The following PWWP3A variants were observed in gnomAD, a reference collection of about 807,000 sequenced individuals.
PWWP3A encodes PWWP domain containing 3A, DNA repair factor.
Under a neutral mutation model 79.0 loss-of-function variants are expected in PWWP3A, and 53 were observed. That is an observed-to-expected ratio of 0.67 (90% CI 0.54 to 0.84). PWWP3A has a LOEUF of 0.84. Among genes scored for constraint, PWWP3A ranks in the 40% least tolerant of loss-of-function variants. The pLI is 0.00. For synonymous variants in PWWP3A, 443 were observed against 394.4 expected (o/e 1.12, Z -1.46); for missense variants, 973 against 948.0 (o/e 1.03, Z -0.35).
At chr19:1,371,361 G>A (rs1003191807) in intron 12 of PWWP3A, 5 of 703,440 alleles carry the variant, frequency 7.1e-6, no homozygotes, top group African/African-American at 3.5e-5. Context: ...TCCCTACTGC[G>A]GGCGCACAGA....
chr19:1,371,267 G>C, intron 12 of PWWP3A, 189 bp downstream of exon 12: 1 of 754,866 alleles, frequency 1.3e-6, no homozygotes, highest in Non-Finnish European at 2.3e-6. Context: ...GCTTGACCCT[G>C]TGCGGAGACG....
At chr19:1,371,256 C>G in intron 12 of PWWP3A, 178 bp downstream of exon 12, 2 of 774,642 alleles carry the variant, frequency 2.6e-6, no homozygotes, top group Non-Finnish European at 2.2e-6. Context: ...CGAGTGCGTG[C>G]GCTTGACCCT....
chr19:1,376,294 T>TG (rs1568968566), intron 13 of PWWP3A, among the ~76,000 whole-genome samples: 3 of 92,838 alleles, frequency 3.2e-5, no homozygotes, highest in Non-Finnish European at 6.6e-5. Flanking sequence ...CCCGGCTGTT[T>TG]GTTTTTTTTT....
Position 1,369,186 on chromosome 19 carries a change from C to G in PWWP3A, c.1423-79C>G. Reference sequence around the variant, plus strand: ...AGCAGCCTGGACACCTGGCTGGTCCCTGGGCTCTGCGTGGCTTCTGAACCC... The same window carrying G: ...AGCAGCCTGGACACCTGGCTGGTCCGTGGGCTCTGCGTGGCTTCTGAACCC... On this transcript the variant is annotated intron_variant, in intron 9 of 13. Coordinates refer to ENST00000591337, the MANE Select transcript of PWWP3A (RefSeq NM_001369789.1). The surrounding 1 kb of genome is among the most constrained non-coding windows in gnomAD (Gnocchi z 4.0). 4.4e-6 allele frequency: 6 copies of G among 1,378,336 alleles called. No individual in the cohort carries two copies. Among genetic ancestry groups the G allele is most frequent in the African/African-American group, 1.4e-5 (1 of 70,032 alleles). The allele number at this position is 1,378,336 out of a possible 1,614,324, so 85.4% of individuals were successfully genotyped here.
chr19:1,376,235 C>T (rs892833769), intron 13 of PWWP3A, among the ~76,000 whole-genome samples: 1 of 150,318 alleles, frequency 6.7e-6, no homozygotes, highest in African/African-American at 2.5e-5. Context: ...AAGCGATTCT[C>T]CTACCTCAGC....
intron 6 of PWWP3A, 193 bp from the exon 7 acceptor site, chr19:1,364,316 G>C: frequency 1.4e-6 from 1 of 689,942 alleles, no homozygotes; most frequent in Non-Finnish European, 2.7e-6. Context: ...CATCATTGGT[G>C]GTTAGACTCA....
intron 1 of PWWP3A, 89 bp from the exon 2 acceptor site, chr19:1,356,235 G>A (rs766997884): frequency 1.3e-5 from 9 of 694,018 alleles, no homozygotes; most frequent in Non-Finnish European, 2.3e-5. Context: ...TTGAGGCTAA[G>A]TCGAGCTAAC....
chr19:1,373,435 T>G, intron 13 of PWWP3A: 1 of 481,132 alleles, frequency 2.1e-6, no homozygotes, highest in Middle Eastern at 5.5e-4. Flanking sequence ...TTAATCTCTT[T>G]TTGCAGGGGC....
intron 5 of PWWP3A, among the ~76,000 whole-genome samples, chr19:1,361,535 A>G (rs556421894): frequency 6.6e-6 from 1 of 152,350 alleles, no homozygotes; most frequent in African/African-American, 2.4e-5. Context: ...TTAACACTGT[A>G]GCATCCTTTA....
In PWWP3A at chr19:1,376,841, A is replaced by G. The variant is rs2082413807; in HGVS notation, c.*265A>G. ...CCGTTCGGGAAAGGCTTTTGAAAGG[A>G]CGGAAGCGTATTCACTGTGCGCCAG... On this transcript the variant is annotated 3_prime_UTR_variant, in exon 14 of 14. Transcript: ENST00000591337. 1 of 396,232 alleles carries G rather than the reference A, an allele frequency of 2.5e-6. No individual in the cohort carries two copies. The highest frequency in any genetic ancestry group is 3.8e-5 in the South Asian group (1 of 26,120). 24.5% of individuals were successfully genotyped at this position (396,232 alleles called of 1,614,324 possible).
In PWWP3A at chr19:1,377,889, G is replaced by A. The variant is rs553566373; in HGVS notation, c.*1313G>A. The A allele has an allele frequency of 1.3e-5, 2 of 152,402 alleles. No homozygotes were observed. The highest frequency in any genetic ancestry group is 3.9e-4 in the East Asian group (2 of 5,188). The allele number at this position is 152,402 out of a possible 1,614,324, so 9.4% of individuals were successfully genotyped here. The stretch of plus-strand genomic sequence containing the variant: ...AGGAGATCGGAACACGATTGTCTCA[G>A]ATGCAGGGCGCTGTGCGGGACGAAG... On this transcript the variant is annotated 3_prime_UTR_variant, in exon 14 of 14. Coordinates refer to ENST00000591337, the MANE Select transcript of PWWP3A (RefSeq NM_001369789.1).
In PWWP3A at chr19:1,367,187, G is replaced by A. The variant is rs768292916; in HGVS notation, c.1389G>A (p.Lys463=). The A allele has an allele frequency of 5.0e-6, 8 of 1,613,312 alleles. No homozygotes were observed. Among genetic ancestry groups the A allele is most frequent in the Non-Finnish European group, 6.8e-6 (8 of 1,179,678 alleles). ...TCACAGTGTCTCTTAAAAGTTTAAA[G>A]CACTTTGATTGTAAAGAGAAACAGA... ...KGFTVSLKSL[K]HFDCKEKQTL... Residue 463 remains lysine, a synonymous_variant, in exon 9 of 14, where the codon AAG becomes AAA. Transcript: ENST00000591337.
At chr19:1,371,413 C>T (rs761221654) in intron 12 of PWWP3A, 33 of 702,102 alleles carry the variant, frequency 4.7e-5, no homozygotes, top group Non-Finnish European at 7.0e-5. Flanking sequence ...AAACCCACTG[C>T]GAGTTGGAAA....
At position 1,360,788 on chromosome 19, in the gene PWWP3A, G is replaced by C; in HGVS notation, c.867G>C (p.Ser289=). The C allele has an allele frequency of 6.2e-7, 1 of 1,604,890 alleles. No individual in the cohort carries two copies. The highest frequency in any genetic ancestry group is 8.5e-7 in the Non-Finnish European group (1 of 1,175,984). Residue 289 remains serine (S), a synonymous_variant, in exon 5 of 14, where the codon TCG becomes TCC. Coordinates refer to ENST00000591337, the MANE Select transcript of PWWP3A (RefSeq NM_001369789.1). The surrounding 1 kb of genome is among the most constrained non-coding windows in gnomAD (Gnocchi z 4.4). ...SLTAPPAPEP[S]ACSEPGECPA... ...CTGCGCCCCCAGCCCCTGAGCCCTCGGCCTGCTCAGAGCCTGGAGAATGCC... is the reference window on the plus strand; with the variant it reads ...CTGCGCCCCCAGCCCCTGAGCCCTCCGCCTGCTCAGAGCCTGGAGAATGCC...
Position 1,371,076 on chromosome 19 carries a change from G to A in PWWP3A, c.1984G>A (p.Glu662Lys), listed in dbSNP as rs991964306. 3 of 1,559,350 alleles carry A rather than the reference G, an allele frequency of 1.9e-6. No homozygotes were observed. The highest frequency in any genetic ancestry group is 2.6e-6 in the Non-Finnish European group (3 of 1,151,232). Residue 662 changes from glutamate to lysine, a missense_variant and splice_region_variant, in exon 12 of 14, where the codon GAG becomes AAG. Transcript: ENST00000591337. The part of the protein sequence containing the change: ...IRFILDVLLP[E>K]AIICAISAVD... ...GTTCATTCTGGACGTGCTTCTGCCC[G>A]AGGTGAGCCGCGGACCGGCGTGTCA...
At chr19:1,363,209 GTTCT>G (rs2082058013) in intron 6 of PWWP3A, among the ~76,000 whole-genome samples, 1 of 152,232 alleles carries the variant, frequency 6.6e-6, no homozygotes, top group Non-Finnish European at 1.5e-5. Flanking sequence ...TTGTTATGTC[GTTCT>G]TTTTTTGTCT....
intron 5 of PWWP3A, 25 bp from the exon 6 acceptor site, chr19:1,362,225 A>G: frequency 6.3e-7 from 1 of 1,585,550 alleles, no homozygotes; most frequent in Non-Finnish European, 8.6e-7. Context: ...ATGACCATGA[A>G]AGTCTAATAT....
chr19:1,356,471 C>T (rs2144685488), intron 2 of PWWP3A, 22 bp downstream of exon 2: 4 of 1,612,022 alleles, frequency 2.5e-6, no homozygotes, highest in South Asian at 2.2e-5. Context: ...TATTCTGTAA[C>T]TTCAGGACTT....
intron 1 of PWWP3A, among the ~76,000 whole-genome samples, chr19:1,356,058 C>T (rs986643651): frequency 2.6e-5 from 4 of 152,122 alleles, no homozygotes; most frequent in Non-Finnish European, 5.9e-5. Context: ...TATTCAGGAG[C>T]CTTTTAAAAC....
Sources: allele counts gnomAD v4.1 joint callset (sites outside exome capture counted in the v4.1 genomes callset), GRCh38; gene constraint gnomAD v4.1.1; non-coding constraint Gnocchi (gnomAD v3.1); transcripts MANE v1.5; gene names NCBI Gene and HGNC (gene_info 2026-07-23, HGNC 2026-07-21).